Variants in CADPS2 observed in about 807,000 individuals in gnomAD.
CADPS2 encodes the protein calcium dependent secretion activator 2, also known as calcium-dependent secretion activator 2.
In CADPS2, 93 loss-of-function variants were observed where a neutral mutation model predicts 172.5. That is an observed-to-expected ratio of 0.54 (90% confidence interval 0.46 to 0.64). The LOEUF is 0.64. Among genes scored for constraint, CADPS2 ranks in the 30% least tolerant of loss-of-function variants. CADPS2 has a pLI of 0.00. For missense variants in CADPS2, 1,420 were observed against 1,565.9 expected, an observed-to-expected ratio of 0.91 and a Z score of 1.57; for synonymous variants, 546 against 555.2, an observed-to-expected ratio of 0.98 and a Z score of 0.23.
intron 1 of CADPS2, among the ~76,000 whole-genome samples, chr7:122,760,243 A>C (rs1044274009): frequency 6.6e-6 from 1 of 152,116 alleles, no homozygotes; most frequent in African/African-American, 2.4e-5. Flanking sequence ...CAGGTAAAAA[A>C]AGATGAAAAT....
chr7:122,771,223 T>C (rs1204457120), intron 1 of CADPS2, among the ~76,000 whole-genome samples: 2 of 152,202 alleles, frequency 1.3e-5, no homozygotes, highest in Non-Finnish European at 2.9e-5. Context: ...CTTAAAATAC[T>C]TTATCATATG....
intron 27 of CADPS2, among the ~76,000 whole-genome samples, chr7:122,347,366 G>A (rs2037835763): frequency 1.3e-5 from 2 of 152,064 alleles, no homozygotes; most frequent in Admixed American, 1.3e-4. Context: ...TAGGCAGTGA[G>A]CATGTCTTAC....
chr7:122,361,190 T>C (rs798687), intron 25 of CADPS2, among the ~76,000 whole-genome samples, 177 bp from the exon 26 acceptor site: 116,615 of 149,254 alleles, frequency 0.78, 46,106 homozygotes, highest in African/African-American at 0.88. Context: ...TGAACTCTAC[T>C]GTCCTTTTCT....
intron 6 of CADPS2, among the ~76,000 whole-genome samples, chr7:122,584,409 T>C (rs2132980449): frequency 6.6e-6 from 1 of 152,134 alleles, no homozygotes; most frequent in East Asian, 1.9e-4. Context: ...TTTTTTCATC[T>C]TTGAATCCTT....
At chr7:122,619,736 T>C (rs1225833627) in intron 5 of CADPS2, among the ~76,000 whole-genome samples, 2 of 152,214 alleles carry the variant, frequency 1.3e-5, no homozygotes, top group East Asian at 1.9e-4. Flanking sequence ...GTTGACGTTT[T>C]GTATTTCACT....
rs1196211488 is a variant in CADPS2 at position 122,504,201 on chromosome 7, A to G, written c.1542+9048T>C. Among the ~76,000 whole-genome samples, 4 of 152,186 alleles carry G rather than the reference A, an allele frequency of 2.6e-5. No individual in the cohort carries two copies. The East Asian group carries it at 7.7e-4, about 29-fold the overall frequency. The stretch of plus-strand genomic sequence containing the variant: ...ATTTTTCTGTAATATAAGAAAAACA[A>G]TAATAGACCTTACAGGATTTTGAGA... On this transcript the variant is annotated intron_variant, in intron 9 of 29. Coordinates refer to ENST00000449022, the MANE Select transcript of CADPS2 (RefSeq NM_017954.11).
At chr7:122,429,462 T>C (rs1444153704) in intron 17 of CADPS2, among the ~76,000 whole-genome samples, 1 of 151,886 alleles carries the variant, frequency 6.6e-6, no homozygotes, top group African/African-American at 2.4e-5. Context: ...CAGGTTACTG[T>C]CTTTGTTTTA....
intron 14 of CADPS2, among the ~76,000 whole-genome samples, chr7:122,464,825 T>A (rs755278485): frequency 1.3e-5 from 2 of 152,144 alleles, no homozygotes; most frequent in African/African-American, 2.4e-5. Flanking sequence ...CTGAATTGAA[T>A]CTTGGAGCAG....
At chr7:122,605,469 G>A (rs2073396716) in intron 6 of CADPS2, among the ~76,000 whole-genome samples, 1 of 151,912 alleles carries the variant, frequency 6.6e-6, no homozygotes, top group East Asian at 1.9e-4. Context: ...ATAGCAATAT[G>A]ATCCCACCAC....
At chr7:122,382,235 T>C (rs1040602788) in intron 24 of CADPS2, 1 of 152,070 alleles carries the variant, frequency 6.6e-6, no homozygotes, top group Admixed American at 6.6e-5. Context: ...CAAATTAACA[T>C]AAAAGGAAGT....
intron 3 of CADPS2, among the ~76,000 whole-genome samples, chr7:122,660,726 T>C (rs1357856138): frequency 1.3e-5 from 2 of 151,906 alleles, no homozygotes; most frequent in African/African-American, 4.8e-5. Flanking sequence ...CCTGCCAACA[T>C]GGTGAAACCC....
rs34544622 is a variant in CADPS2, at chr7:122,660,606, T to TAA, written c.786+2629_786+2630dup. ...AAGACCAAGATGATCAGTCTGGATT[T>TAA]AAAAAAAAAAAAAGAAAACTTGGGC... On this transcript the variant is annotated intron_variant, in intron 3 of 29. Coordinates refer to ENST00000449022, the MANE Select transcript of CADPS2 (RefSeq NM_017954.11). 1.3e-3 allele frequency among the ~76,000 whole-genome samples: 184 copies of TAA among 146,382 alleles called. 2 individuals carry two copies. The highest frequency in any genetic ancestry group is 0.012 in the East Asian group (61 of 5,016).
At chr7:122,774,837 C>T (rs898884917) in intron 1 of CADPS2, among the ~76,000 whole-genome samples, 1 of 152,118 alleles carries the variant, frequency 6.6e-6, no homozygotes, top group African/African-American at 2.4e-5. Flanking sequence ...TTCATGAGCA[C>T]CTAATTTACA....
intron 3 of CADPS2, among the ~76,000 whole-genome samples, chr7:122,659,326 A>AAAAC (rs58040162): frequency 2.0e-5 from 3 of 150,752 alleles, no homozygotes; most frequent in African/African-American, 7.3e-5. Context: ...AAAAAAAAAA[A>AAAAC]CACCGTGGAA....
intron 2 of CADPS2, among the ~76,000 whole-genome samples, chr7:122,733,899 T>C (rs2091901665): frequency 6.6e-6 from 1 of 152,012 alleles, no homozygotes. Flanking sequence ...TATGATCACA[T>C]CACTGCACTC....
intron 2 of CADPS2, among the ~76,000 whole-genome samples, chr7:122,717,820 T>C (rs1227680763): frequency 6.6e-6 from 1 of 151,990 alleles, no homozygotes; most frequent in Non-Finnish European, 1.5e-5. Context: ...TTCTTTTTTG[T>C]CTGTTTGAAG....
chr7:122,543,151 C>A (rs181210927), intron 8 of CADPS2, among the ~76,000 whole-genome samples: 47 of 152,058 alleles, frequency 3.1e-4, no homozygotes, highest in African/African-American at 9.9e-4. Flanking sequence ...ATTCTGTGAA[C>A]CCCTTATTTA....
chr7:122,410,666 A>G (rs1375054066), intron 19 of CADPS2, among the ~76,000 whole-genome samples: 1 of 152,218 alleles, frequency 6.6e-6, no homozygotes, highest in African/African-American at 2.4e-5. Context: ...TCAAATAAAT[A>G]TAAAAGTTTA....
At chr7:122,441,699 T>C (rs2051375076) in intron 15 of CADPS2, 124 bp from the exon 16 acceptor site, 1 of 532,998 alleles carries the variant, frequency 1.9e-6, no homozygotes, top group Non-Finnish European at 3.2e-6. Context: ...TATTATAGCA[T>C]GAACTCATCC....
Sources: gnomAD v4.1 joint callset for allele counts (sites outside exome capture counted in the v4.1 genomes callset) on GRCh38, gnomAD v4.1.1 for gene constraint, MANE v1.5 for transcripts, NCBI Gene and HGNC (gene_info 2026-07-23, HGNC 2026-07-21) for gene names.